Variants in WASL observed in about 807,000 individuals in gnomAD.
WASL encodes actin nucleation-promoting factor WASL.
Under a neutral mutation model 55.5 loss-of-function variants are expected in WASL, and 20 were observed. The observed-to-expected ratio is 0.36, with a 90% CI of 0.25 to 0.52. The LOEUF (loss-of-function observed/expected upper bound fraction) is 0.52. WASL is among the 20% of genes least tolerant of loss of function. The pLI, the probability that WASL is intolerant of heterozygous loss-of-function variation, is 0.92. For missense variants in WASL, 504 were observed against 622.5 expected, an observed-to-expected ratio of 0.81 and a Z score of 2.03; for synonymous variants, 249 against 217.6, an observed-to-expected ratio of 1.14 and a Z score of -1.27.
chr7:123,728,027 A>G (rs1478401155), intron 1 of WASL, among the ~76,000 whole-genome samples: 3 of 152,204 alleles, frequency 2.0e-5, no homozygotes, highest in African/African-American at 4.8e-5. Context: ...AAGGGAGACA[A>G]GAAAGCTTAA....
At chr7:123,705,883 T>C (rs1745247853) in intron 4 of WASL, among the ~76,000 whole-genome samples, 1 of 152,172 alleles carries the variant, frequency 6.6e-6, no homozygotes, top group South Asian at 2.1e-4. Flanking sequence ...TATAAAATAC[T>C]TTTAAAACTT....
chr7:123,696,541 C>A lies in WASL; in HGVS notation c.629+38G>T. ...AAATCAAGAACAGCAATGAATAAAT[C>A]AAAAGTGAAGATAAGAACAACAAAA... is the stretch of plus-strand genomic sequence containing the variant. On this transcript the variant is annotated intron_variant, in intron 6 of 10. Coordinates refer to ENST00000223023, the MANE Select transcript of WASL (RefSeq NM_003941.4). 2.7e-6 allele frequency: 4 copies of A among 1,493,454 alleles called. No homozygotes were observed. The South Asian group carries it at 4.5e-5, about 17-fold the overall frequency. The allele number at this position is 1,493,454 out of a possible 1,614,324, so 92.5% of individuals were successfully genotyped here.
At chr7:123,706,224 G>T (rs1803666772) in intron 4 of WASL, 53 bp downstream of exon 4, 2 of 1,498,522 alleles carry the variant, frequency 1.3e-6, no homozygotes, top group Admixed American at 3.5e-5. Context: ...GACCACACTT[G>T]CCCCATGAGC....
chr7:123,721,559 C>CA (rs1274150001), intron 1 of WASL, among the ~76,000 whole-genome samples: 1 of 152,094 alleles, frequency 6.6e-6, no homozygotes, highest in Non-Finnish European at 1.5e-5. Context: ...ACAACAACAA[C>CA]AAAAAACCCC....
At chr7:123,739,914 G>GTGTGTGTA (rs1214094701) in intron 1 of WASL, among the ~76,000 whole-genome samples, 1 of 33,036 alleles carries the variant, frequency 3.0e-5, no homozygotes, top group Admixed American at 2.0e-4. Flanking sequence ...GTGTGTGTGT[G>GTGTGTGTA]TATATATATA....
chr7:123,732,778 G>C (rs947124085), intron 1 of WASL, among the ~76,000 whole-genome samples: 1 of 151,628 alleles, frequency 6.6e-6, no homozygotes, highest in African/African-American at 2.4e-5. Flanking sequence ...AACAAAGATG[G>C]AAAAAAAATC....
chr7:123,695,446 G>C (rs555008612), intron 7 of WASL, among the ~76,000 whole-genome samples: 8 of 152,262 alleles, frequency 5.3e-5, no homozygotes, highest in African/African-American at 1.7e-4. Flanking sequence ...AAGAACAGGA[G>C]AATGAAAAGA....
At chr7:123,717,354 C>T (rs992172274) in intron 1 of WASL, among the ~76,000 whole-genome samples, 1 of 152,216 alleles carries the variant, frequency 6.6e-6, no homozygotes, top group African/African-American at 2.4e-5. Context: ...CTTTGGGACA[C>T]AGGACCAGCA....
chr7:123,720,117 G>C (rs1803915984), intron 1 of WASL, among the ~76,000 whole-genome samples: 1 of 152,060 alleles, frequency 6.6e-6, no homozygotes, highest in African/African-American at 2.4e-5. Flanking sequence ...TATCATATAA[G>C]AATTAAAATC....
intron 1 of WASL, among the ~76,000 whole-genome samples, chr7:123,739,216 T>C (rs571684572): frequency 8.5e-5 from 13 of 152,342 alleles, no homozygotes; most frequent in African/African-American, 1.9e-4. Context: ...TCCTTAAGAC[T>C]TGAAGTTCAA....
intron 1 of WASL, among the ~76,000 whole-genome samples, chr7:123,727,863 G>A (rs960643859): frequency 2.0e-5 from 3 of 152,132 alleles, no homozygotes; most frequent in South Asian, 2.1e-4. Flanking sequence ...AAGATGAAGC[G>A]TTAATGCAAA....
intron 5 of WASL, among the ~76,000 whole-genome samples, chr7:123,703,651 T>C (rs1803623761): frequency 1.3e-5 from 2 of 152,194 alleles, no homozygotes; most frequent in Admixed American, 1.3e-4. Context: ...ATTTGGTTCA[T>C]GTTTCTGTAT....
chr7:123,692,608 A>T lies in WASL; in HGVS notation c.1086T>A (p.Pro362=). 6 of 1,603,212 alleles carry T rather than the reference A, an allele frequency of 3.7e-6. No homozygotes were observed. The highest frequency in any genetic ancestry group is 5.1e-6 in the Non-Finnish European group (6 of 1,174,668). The change falls in exon 9 of 11, where the codon CCT becomes CCA. Residue 362 remains proline (P), a synonymous_variant. Transcript: ENST00000223023. ...SSAPSGPPPP[P]PSVLGVGPVA... ...CTGGCCCTACCCCCAACACAGATGG[A>T]GGTGGTGGTGGAGGCCCTGAAGGTG...
At chr7:123,689,008 CTCT>C (rs762889264) in intron 10 of WASL, 31 bp downstream of exon 10, 10 of 15,080 alleles carry the variant, frequency 6.6e-4, no homozygotes, top group Non-Finnish European at 1.0e-3. Flanking sequence ...CTCTCTCTGT[CTCT>C]CTCTCTCTCT....
chr7:123,728,108 ACT>A (rs1434897709), intron 1 of WASL, among the ~76,000 whole-genome samples: 1 of 152,132 alleles, frequency 6.6e-6, no homozygotes, highest in Non-Finnish European at 1.5e-5. Context: ...TGTCTCTAAG[ACT>A]CTTACAAAAA....
intron 1 of WASL, among the ~76,000 whole-genome samples, chr7:123,727,394 A>G (rs968662722): frequency 4.7e-5 from 6 of 126,466 alleles, no homozygotes; most frequent in Admixed American, 3.8e-4. Context: ...AACTTATACA[A>G]GAACACAGGA....
chr7:123,705,451 A>T (rs1449189088), intron 4 of WASL, among the ~76,000 whole-genome samples: 1 of 152,218 alleles, frequency 6.6e-6, no homozygotes, highest in Non-Finnish European at 1.5e-5. Context: ...CAGAGTCTGA[A>T]GGTCAGGGAA....
At chr7:123,748,118 T>C (rs1481626750) in intron 1 of WASL, among the ~76,000 whole-genome samples, 1 of 152,092 alleles carries the variant, frequency 6.6e-6, no homozygotes, top group African/African-American at 2.4e-5. Context: ...CCCAGGCTCT[T>C]GCACTCGACT....
At chr7:123,686,365 G>A (rs995449611) in intron 10 of WASL, among the ~76,000 whole-genome samples, 1 of 151,922 alleles carries the variant, frequency 6.6e-6, no homozygotes, top group Non-Finnish European at 1.5e-5. Context: ...AATTTACCTG[G>A]ATGAAAAGCA....
Sources: gnomAD v4.1 joint callset for allele counts (sites outside exome capture counted in the v4.1 genomes callset) on GRCh38, gnomAD v4.1.1 for gene constraint, MANE v1.5 for transcripts, NCBI Gene and HGNC (gene_info 2026-07-23, HGNC 2026-07-21) for gene names.